TCF20: variants seen among roughly 807,000 people sequenced by gnomAD.
TCF20 encodes transcription factor 20, also known as SPRE-binding protein.
In TCF20, 3 loss-of-function variants were observed where a neutral mutation model predicts 148.6. The observed-to-expected ratio is 0.02, with a 90% confidence interval of 0.01 to 0.05. TCF20 has a LOEUF of 0.05. Among genes scored for constraint, TCF20 ranks in the 10% least tolerant of loss-of-function variants. The probability of loss-of-function intolerance (pLI) is 1.00; values close to 1 mark genes in which losing one functional copy is unlikely to be tolerated. For synonymous variants in TCF20, 1,049 were observed against 909.5 expected (o/e 1.15, Z -2.76); for missense variants, 2,350 against 2,429.3 (o/e 0.97, Z 0.69).
chr22:42,337,225 G>A (rs543937279), intron 1 of TCF20, among the ~76,000 whole-genome samples: 46 of 151,954 alleles, frequency 3.0e-4, no homozygotes, highest in South Asian at 6.3e-4. Flanking sequence ...CCAAACCCAC[G>A]CTGCCATCAT....
intron 2 of TCF20, among the ~76,000 whole-genome samples, chr22:42,195,419 C>T (rs1211004559): frequency 6.6e-6 from 1 of 151,896 alleles, no homozygotes. Flanking sequence ...TACCAAAACA[C>T]ATTTTAACAT....
In TCF20 at chr22:42,242,627, C is replaced by T. The variant is rs1434842332; in HGVS notation, c.-36-27286G>A. Among the ~76,000 whole-genome samples the T allele has an allele frequency of 2.6e-5, 4 of 152,048 alleles. No individual in the cohort carries two copies. In the East Asian group the frequency reaches 7.7e-4, roughly 29 times the overall value. ...CCCGGCCAGGCGAGGTGGCTCACACCTATAATCCCAGCACTTTGGGAGGCT... is the reference window on the plus strand; with the variant it reads ...CCCGGCCAGGCGAGGTGGCTCACACTTATAATCCCAGCACTTTGGGAGGCT... On this transcript the variant is annotated intron_variant, in intron 1 of 5. Transcript: ENST00000677622.
chr22:42,254,151 A>G lies in TCF20; in HGVS notation c.-37+16188T>C, dbSNP rs535159073. 6.0e-5 allele frequency among the ~76,000 whole-genome samples: 9 copies of G among 151,254 alleles called. No individual in the cohort carries two copies. The East Asian group carries it at 1.6e-3, about 26-fold the overall frequency. ...CTTTGAGAGCTGGCAGCGAAATTTTATTTACTGATTCACTCAAAAATATCT... is the reference window on the plus strand; with the variant it reads ...CTTTGAGAGCTGGCAGCGAAATTTTGTTTACTGATTCACTCAAAAATATCT... On this transcript the variant is annotated intron_variant, in intron 1 of 5. Coordinates refer to ENST00000677622, the MANE Select transcript of TCF20 (RefSeq NM_001378418.1).
chr22:42,340,855 A>G (rs990441354), intron 1 of TCF20, among the ~76,000 whole-genome samples: 3 of 151,836 alleles, frequency 2.0e-5, no homozygotes, highest in Non-Finnish European at 1.5e-5. Flanking sequence ...GGGGGAGGGG[A>G]AAGGGGAGGG....
At chr22:42,302,377 G>A (rs544665856) in intron 1 of TCF20, among the ~76,000 whole-genome samples, 8 of 152,300 alleles carry the variant, frequency 5.3e-5, no homozygotes, top group East Asian at 1.9e-4. Flanking sequence ...AGCAAAGGGC[G>A]GGGGCTGAGC....
At chr22:42,163,123 T>C (rs1226012566) in intron 5 of TCF20, among the ~76,000 whole-genome samples, 1 of 152,206 alleles carries the variant, frequency 6.6e-6, no homozygotes, top group Admixed American at 6.5e-5. Flanking sequence ...TTGCCCTCTT[T>C]ACCAATACAC....
intron 1 of TCF20, among the ~76,000 whole-genome samples, chr22:42,327,052 G>A (rs914202164): frequency 6.6e-6 from 1 of 152,188 alleles, no homozygotes; most frequent in East Asian, 1.9e-4. Flanking sequence ...TGTGTGCCAG[G>A]CACTTCTCCA....
Position 42,212,386 on chromosome 22 carries a change from A to T in TCF20, c.2920T>A (p.Ser974Thr). ...NASPGAATHD[S>T]LSDYGPQDSR... Reference sequence around the variant, plus strand: ...TCTTGCGGGCCATAGTCTGAAAGGGAATCATGGGTTGCTGCTCCAGGGCTG... The same window carrying T: ...TCTTGCGGGCCATAGTCTGAAAGGGTATCATGGGTTGCTGCTCCAGGGCTG... Residue 974 changes from serine to threonine, a missense_variant, in exon 2 of 6, where the codon TCC becomes ACC. By Grantham distance (58) the Ser-to-Thr change is moderately conservative. Coordinates refer to ENST00000677622, the MANE Select transcript of TCF20 (RefSeq NM_001378418.1). 1 of 1,614,206 alleles carries T rather than the reference A, an allele frequency of 6.2e-7. No homozygotes were observed. Among genetic ancestry groups the T allele is most frequent in the Non-Finnish European group, 8.5e-7 (1 of 1,180,040 alleles).
At chr22:42,276,946 C>T (rs967862974) in intron 1 of TCF20, 5 of 152,196 alleles carry the variant, frequency 3.3e-5, no homozygotes, top group Admixed American at 1.3e-4. Context: ...TATCCAAAGC[C>T]GGTTTTAACT....
intron 1 of TCF20, among the ~76,000 whole-genome samples, chr22:42,323,200 C>A (rs555781747): frequency 1.3e-5 from 2 of 151,978 alleles, no homozygotes; most frequent in African/African-American, 2.4e-5. Flanking sequence ...CCACGCCCAG[C>A]CCACCTGGCT....
chr22:42,210,566 CTGT>C lies in TCF20; in HGVS notation c.4737_4739del (p.Gln1580del). 1 of 1,614,154 alleles carries C rather than the reference CTGT, an allele frequency of 6.2e-7. No homozygotes were observed. The highest frequency in any genetic ancestry group is 8.5e-7 in the Non-Finnish European group (1 of 1,180,048). On this transcript the variant is annotated inframe_deletion, in exon 2 of 6. Transcript: ENST00000677622. The surrounding 1 kb of genome is among the most constrained non-coding windows in gnomAD (Gnocchi z 4.7). ...GCTTCCTTCTCTCCCTCCTTTGCCT[CTGT>C]TTTTTTGGCTTTGGCTCTCCATCTG...
At chr22:42,185,755 T>C (rs184720713) in intron 2 of TCF20, among the ~76,000 whole-genome samples, 76 of 152,322 alleles carry the variant, frequency 5.0e-4, no homozygotes, top group East Asian at 5.8e-4. Flanking sequence ...GTTTTGGTCC[T>C]TACTTCCTTA....
intron 1 of TCF20, among the ~76,000 whole-genome samples, chr22:42,240,694 AT>A (rs1924315219): frequency 6.6e-6 from 1 of 152,166 alleles, no homozygotes; most frequent in Non-Finnish European, 1.5e-5. Flanking sequence ...GAGATAACTT[AT>A]AACTCATAAC....
At position 42,213,003 on chromosome 22, in the gene TCF20, T is replaced by G; in HGVS notation, c.2303A>C (p.Tyr768Ser). ...CTGATGCTCTTGAGTACTCCTAGAA[T>G]ATCTCCTGTCAGGGTGGTGGTGGTA... The part of the protein sequence containing the change: ...QGYHHHPDRR[Y>S]SRSTQEHQGM... The change falls in exon 2 of 6, where the codon TAT becomes TCT. Residue 768 changes from tyrosine to serine, a missense_variant. Coordinates refer to ENST00000677622, the MANE Select transcript of TCF20 (RefSeq NM_001378418.1). 2 of 1,614,144 alleles carry G rather than the reference T, an allele frequency of 1.2e-6. No homozygotes were observed. The highest frequency in any genetic ancestry group is 1.7e-6 in the Non-Finnish European group (2 of 1,180,002).
intron 5 of TCF20, among the ~76,000 whole-genome samples, chr22:42,167,649 C>T (rs937877771): frequency 6.6e-6 from 1 of 152,296 alleles, no homozygotes; most frequent in East Asian, 1.9e-4. Flanking sequence ...CCTGTTTTCA[C>T]AGATGCCTGC....
rs1454577872 is a variant in TCF20 at position 42,214,953 on chromosome 22, T to A, written c.353A>T (p.Tyr118Phe). The change falls in exon 2 of 6, where the codon TAT becomes TTT. Residue 118 changes from tyrosine (Y) to phenylalanine (F), a missense_variant. Physicochemically the swap from Tyr to Phe is conservative, Grantham distance 22. This residue lies in a region of TCF20 where 1,641 missense variants were observed against 1,662.6 expected (regional missense o/e 0.99). Transcript: ENST00000677622. ...QRRPSGPVQS[Y>F]GPPQGSSFGN... is the part of the protein sequence containing the mutation. ...AAAGCTGCTCCCCTGGGGGGGTCCA[T>A]AGCTCTGCACAGGCCCAGAAGGCCT... is the stretch of plus-strand genomic sequence containing the variant. 1 of 1,614,216 alleles carries A rather than the reference T, an allele frequency of 6.2e-7. No individual in the cohort carries two copies. Among genetic ancestry groups the A allele is most frequent in the South Asian group, 1.1e-5 (1 of 91,088 alleles).
rs537355797 is a variant in TCF20 at position 42,172,605 on chromosome 22, C to G, written c.5750-2709G>C. On this transcript the variant is annotated intron_variant, in intron 3 of 5. Transcript: ENST00000677622. ...CCACTTTCATTTCCCTCTTCAAGCT[C>G]AAAGGCAGAATGGATTTACTAAGCT... Among the ~76,000 whole-genome samples, 27 of 152,332 alleles carry G rather than the reference C, an allele frequency of 1.8e-4. No individual in the cohort carries two copies. The South Asian group carries it at 5.6e-3, about 32-fold the overall frequency.
chr22:42,189,662 G>C (rs1265247798), intron 2 of TCF20, among the ~76,000 whole-genome samples: 2 of 152,198 alleles, frequency 1.3e-5, no homozygotes, highest in South Asian at 2.1e-4. Flanking sequence ...AGTGATCCCA[G>C]GACATAGCCT....
intron 5 of TCF20, among the ~76,000 whole-genome samples, chr22:42,164,823 G>A (rs1012822844): frequency 6.6e-6 from 1 of 152,190 alleles, no homozygotes. Context: ...ACATGAAGAT[G>A]GGGAGCCAAA....
Sources: allele counts gnomAD v4.1 joint callset (sites outside exome capture counted in the v4.1 genomes callset), GRCh38; gene constraint gnomAD v4.1.1; regional missense constraint gnomAD v4.1.1; non-coding constraint Gnocchi (gnomAD v3.1); transcripts MANE v1.5; gene names NCBI Gene and HGNC (gene_info 2026-07-23, HGNC 2026-07-21).